Variants in NXPE4 observed in about 807,000 individuals in gnomAD.
The protein encoded by NXPE4 is NXPE family member 4.
Under a neutral mutation model 33.3 loss-of-function variants are expected in NXPE4, and 42 were observed. The observed-to-expected ratio is 1.26, with a 90% confidence interval of 0.98 to 1.63. The LOEUF is 1.63. NXPE4 is among the 40% of genes most tolerant of loss of function. The pLI, the probability that NXPE4 is intolerant of heterozygous loss-of-function variation, is 0.00. For synonymous variants in NXPE4, 253 were observed against 234.9 expected, an observed-to-expected ratio of 1.08 and a Z score of -0.71; for missense variants, 709 against 647.6, an observed-to-expected ratio of 1.09 and a Z score of -1.03.
chr11:114,654,133 A>G, the NXPE4 span, among the ~76,000 whole-genome samples: 1 of 152,252 alleles, frequency 6.6e-6, no homozygotes, highest in Non-Finnish European at 1.5e-5. Context: ...AGTGGCTTTC[A>G]GGATCCAATC....
chr11:114,578,998 T>C (rs1254848978), intron 5 of NXPE4, among the ~76,000 whole-genome samples: 1 of 152,190 alleles, frequency 6.6e-6, no homozygotes, highest in African/African-American at 2.4e-5. Context: ...ATTAGTCTGT[T>C]TGCATTGCTA....
the NXPE4 span, among the ~76,000 whole-genome samples, chr11:114,622,884 T>C: frequency 6.6e-6 from 1 of 151,712 alleles, no homozygotes; most frequent in African/African-American, 2.4e-5. Flanking sequence ...TGATAATAAG[T>C]ATTGCCTCAT....
intron 5 of NXPE4, among the ~76,000 whole-genome samples, chr11:114,572,161 G>A (rs536961962): frequency 6.6e-6 from 1 of 152,174 alleles, no homozygotes; most frequent in East Asian, 1.9e-4. Context: ...CATTCCTAGG[G>A]GAAGGGGGAT....
At chr11:114,619,068 T>A in the NXPE4 span, among the ~76,000 whole-genome samples, 9 of 151,660 alleles carry the variant, frequency 5.9e-5, no homozygotes, top group Admixed American at 5.3e-4. Context: ...ACCTGGTGGA[T>A]AATAAGTATT....
chr11:114,619,239 T>C, the NXPE4 span, among the ~76,000 whole-genome samples: 1 of 151,914 alleles, frequency 6.6e-6, no homozygotes, highest in Non-Finnish European at 1.5e-5. Flanking sequence ...CGGTAGAATA[T>C]AAGTAATGCC....
the NXPE4 span, among the ~76,000 whole-genome samples, chr11:114,653,043 A>G: frequency 2.0e-5 from 3 of 152,224 alleles, no homozygotes; most frequent in Non-Finnish European, 4.4e-5. Context: ...AGAACTCATC[A>G]TTATATATTC....
chr11:114,624,604 T>C, the NXPE4 span, among the ~76,000 whole-genome samples: 2 of 151,610 alleles, frequency 1.3e-5, no homozygotes, highest in African/African-American at 2.4e-5. Context: ...ATTATAAGTA[T>C]TGCCTCATGG....
chr11:114,601,168 T>TGGA, the NXPE4 span, among the ~76,000 whole-genome samples: 28 of 151,874 alleles, frequency 1.8e-4, 1 homozygote, highest in South Asian at 5.8e-3. Context: ...TGGTGAACTC[T>TGGA]GGAGTTTTAG....
At chr11:114,614,076 C>G in the NXPE4 span, among the ~76,000 whole-genome samples, 1 of 151,524 alleles carries the variant, frequency 6.6e-6, no homozygotes, top group Non-Finnish European at 1.5e-5. Context: ...TCATGCATAA[C>G]CACTGATACC....
chr11:114,576,415 C>T (rs537484503), intron 5 of NXPE4, among the ~76,000 whole-genome samples: 39 of 152,208 alleles, frequency 2.6e-4, no homozygotes, highest in African/African-American at 7.2e-4. Context: ...TAACAGACAA[C>T]TCACAGAGTG....
At chr11:114,618,990 G>A in the NXPE4 span, among the ~76,000 whole-genome samples, 1 of 152,026 alleles carries the variant, frequency 6.6e-6, no homozygotes, top group Non-Finnish European at 1.5e-5. Flanking sequence ...TGGATAATAG[G>A]TATTGCTTCT....
At chr11:114,633,488 G>C in the NXPE4 span, among the ~76,000 whole-genome samples, 13,867 of 149,400 alleles carry the variant, frequency 0.093, 816 homozygotes, top group Middle Eastern at 0.2. Context: ...TATACTTCAA[G>C]TTTTAGGGTA....
the NXPE4 span, among the ~76,000 whole-genome samples, chr11:114,620,786 G>C: frequency 6.6e-6 from 1 of 152,006 alleles, no homozygotes; most frequent in South Asian, 2.1e-4. Context: ...TTACCTGGTG[G>C]ATAATAAGTG....
chr11:114,631,294 C>T, the NXPE4 span, among the ~76,000 whole-genome samples: 1 of 151,676 alleles, frequency 6.6e-6, no homozygotes, highest in Non-Finnish European at 1.5e-5. Flanking sequence ...CAATGATAGA[C>T]TGGATTAAGA....
chr11:114,670,421 G>A, the NXPE4 span, among the ~76,000 whole-genome samples: 199 of 152,122 alleles, frequency 1.3e-3, no homozygotes, highest in African/African-American at 4.4e-3. Context: ...CAGGCCAAGC[G>A]CAGTGGCTCA....
chr11:114,576,540 A>G (rs1439204590), intron 5 of NXPE4, among the ~76,000 whole-genome samples: 1 of 152,144 alleles, frequency 6.6e-6, no homozygotes, highest in Non-Finnish European at 1.5e-5. Context: ...GGCTATAGAC[A>G]TGAATAGACA....
chr11:114,626,720 C>T, the NXPE4 span, among the ~76,000 whole-genome samples: 5 of 151,992 alleles, frequency 3.3e-5, no homozygotes, highest in South Asian at 2.1e-4. Context: ...CAAATTATTC[C>T]GAGCTATGGG....
At chr11:114,582,032 A>C (rs1949157931) in intron 3 of NXPE4, among the ~76,000 whole-genome samples, 1 of 152,226 alleles carries the variant, frequency 6.6e-6, no homozygotes. Context: ...ACACATACAC[A>C]CATGTGCATT....
chr11:114,577,232 A>G lies in NXPE4; in HGVS notation c.1099+2900T>C, dbSNP rs1949031300. Among the ~76,000 whole-genome samples, 3 of 150,844 alleles carry G rather than the reference A, an allele frequency of 2.0e-5. No homozygotes were observed. In the South Asian group the frequency reaches 6.3e-4, roughly 32 times the overall value. On this transcript the variant is annotated intron_variant, in intron 5 of 5. Coordinates refer to ENST00000375478, the MANE Select transcript of NXPE4 (RefSeq NM_001077639.2). ...TACTACTCAGCCATGAAAAGGAATG[A>G]AAGAATGGCATGTGCAGCAACCTGG...
Sources: gnomAD v4.1 joint callset for allele counts (sites outside exome capture counted in the v4.1 genomes callset) on GRCh38, gnomAD v4.1.1 for gene constraint, MANE v1.5 for transcripts, NCBI Gene and HGNC (gene_info 2026-07-23, HGNC 2026-07-21) for gene names.